SPOCK3: variants seen among roughly 807,000 people sequenced by gnomAD.
The protein encoded by SPOCK3 is SPARC (osteonectin), cwcv and kazal like domains proteoglycan 3, also known as testican-3.
SPOCK3 carries 30 observed loss-of-function variants against 56.6 expected under a neutral mutation model. That is an observed-to-expected ratio of 0.53 (90% confidence interval 0.40 to 0.72). SPOCK3 has a LOEUF of 0.72. Among genes scored for constraint, SPOCK3 ranks in the 30% least tolerant of loss-of-function variants. The probability of loss-of-function intolerance (pLI) is 0.00; values close to 1 mark genes in which losing one functional copy is unlikely to be tolerated. For synonymous variants in SPOCK3, 196 were observed against 183.3 expected, an observed-to-expected ratio of 1.07 and a Z score of -0.56; for missense variants, 527 against 530.0, an observed-to-expected ratio of 0.99 and a Z score of 0.06.
intron 2 of SPOCK3, among the ~76,000 whole-genome samples, chr4:167,089,917 G>A (rs1032264092): frequency 1.3e-4 from 20 of 151,842 alleles, no homozygotes; most frequent in African/African-American, 3.1e-4. Flanking sequence ...GCTCTTTCCC[G>A]TAGTATGGAT....
At chr4:166,981,407 C>A (rs1271469747) in intron 4 of SPOCK3, among the ~76,000 whole-genome samples, 3 of 150,798 alleles carry the variant, frequency 2.0e-5, no homozygotes, top group Admixed American at 1.3e-4. Context: ...GAGTGTCCAG[C>A]TCTCAGAGGG....
intron 7 of SPOCK3, among the ~76,000 whole-genome samples, chr4:166,761,751 CG>C (rs1211875702): frequency 4.5e-4 from 3 of 6,646 alleles, no homozygotes; most frequent in African/African-American, 1.7e-3. Flanking sequence ...GTGGTGGGGT[CG>C]GGGGAGGGGG....
intron 3 of SPOCK3, among the ~76,000 whole-genome samples, chr4:167,058,212 C>A (rs530960949): frequency 6.6e-6 from 1 of 152,276 alleles, no homozygotes; most frequent in African/African-American, 2.4e-5. Flanking sequence ...GTCAAATTGT[C>A]CCTGTTTGCA....
chr4:167,057,548 T>C (rs1024036506), intron 3 of SPOCK3, among the ~76,000 whole-genome samples: 2 of 151,828 alleles, frequency 1.3e-5, no homozygotes, highest in Non-Finnish European at 2.9e-5. Flanking sequence ...ACCCATCTCA[T>C]GTGCAGAGAC....
intron 3 of SPOCK3, among the ~76,000 whole-genome samples, chr4:167,030,319 T>C (rs1359817309): frequency 6.6e-6 from 1 of 152,088 alleles, no homozygotes; most frequent in Non-Finnish European, 1.5e-5. Context: ...TATTGTCTTT[T>C]TGAGCAAGAT....
At chr4:166,962,195 G>A (rs1405068514) in intron 4 of SPOCK3, among the ~76,000 whole-genome samples, 1 of 152,056 alleles carries the variant, frequency 6.6e-6, no homozygotes, top group East Asian at 1.9e-4. Flanking sequence ...CAGCTGATTA[G>A]CAACCTTAAT....
chr4:166,994,294 ATC>A (rs1210028905), intron 4 of SPOCK3, among the ~76,000 whole-genome samples: 4 of 152,204 alleles, frequency 2.6e-5, no homozygotes, highest in African/African-American at 7.2e-5. Flanking sequence ...TTAAAACTAC[ATC>A]GCAGAAAGTA....
chr4:166,827,655 T>C (rs1443638000), intron 6 of SPOCK3, among the ~76,000 whole-genome samples: 3 of 151,926 alleles, frequency 2.0e-5, no homozygotes, highest in Admixed American at 6.6e-5. Flanking sequence ...GTGAGAAAAA[T>C]ATATTAGGAC....
intron 6 of SPOCK3, among the ~76,000 whole-genome samples, chr4:166,862,473 G>C (rs1731336213): frequency 6.6e-6 from 1 of 151,972 alleles, no homozygotes; most frequent in African/African-American, 2.4e-5. Flanking sequence ...AACCAATTTT[G>C]GTTAAGAGTT....
At position 166,754,496 on chromosome 4, in the gene SPOCK3, C is replaced by A; in HGVS notation, c.931+12G>T. On this transcript the variant is annotated intron_variant, in intron 8 of 10. Coordinates refer to ENST00000357545, the MANE Select transcript of SPOCK3 (RefSeq NM_001040159.2). ...GTCAACTATTTGCGTCTGTAAGGGT[C>A]TCATCTTTTACCTTGCTGTCTCTGG... 6.2e-7 allele frequency: 1 copy of A among 1,609,088 alleles called. No homozygotes were observed. Among genetic ancestry groups the A allele is most frequent in the Non-Finnish European group, 8.5e-7 (1 of 1,176,898 alleles).
At chr4:166,737,652 A>G in intron 9 of SPOCK3, 48 bp from the exon 10 acceptor site, 1 of 1,563,956 alleles carries the variant, frequency 6.4e-7, no homozygotes, top group Non-Finnish European at 8.7e-7. Flanking sequence ...GTAGTTTATG[A>G]ATAAGCTGTG....
chr4:166,940,971 T>C (rs768930638), intron 4 of SPOCK3, among the ~76,000 whole-genome samples: 3 of 151,256 alleles, frequency 2.0e-5, no homozygotes, highest in Non-Finnish European at 4.4e-5. Context: ...CTGTCTATTC[T>C]GCACCTAATT....
At chr4:166,753,979 T>G (rs1736738993) in intron 8 of SPOCK3, 1 of 541,266 alleles carries the variant, frequency 1.8e-6, no homozygotes, top group Non-Finnish European at 2.4e-6. Flanking sequence ...TTAAGACACT[T>G]TTTCTGCTAG....
chr4:167,040,136 G>C (rs1250834561), intron 3 of SPOCK3, among the ~76,000 whole-genome samples: 1 of 152,108 alleles, frequency 6.6e-6, no homozygotes. Context: ...TAAATATACT[G>C]CCTCCTATCT....
chr4:166,935,264 T>C (rs1205328937), intron 4 of SPOCK3, among the ~76,000 whole-genome samples: 3 of 152,072 alleles, frequency 2.0e-5, no homozygotes, highest in Admixed American at 2.0e-4. Context: ...TTTGAGATAA[T>C]ATCTCCCTCA....
rs193251854 is a variant in SPOCK3 at position 166,735,832 on chromosome 4, T to C, written c.1133-742A>G. On this transcript the variant is annotated intron_variant, in intron 10 of 10. Transcript: ENST00000357545. The stretch of plus-strand genomic sequence containing the variant: ...CTTAGTGAGACCTGTGTTGATCTTC[T>C]GAGGCACAGAAATGTAGGATAAATG... 1.4e-4 allele frequency among the ~76,000 whole-genome samples: 22 copies of C among 152,134 alleles called. 1 individual carries two copies. The East Asian group carries it at 3.1e-3, about 21-fold the overall frequency.
intron 4 of SPOCK3, among the ~76,000 whole-genome samples, chr4:166,950,121 A>G (rs1344046437): frequency 4.0e-5 from 6 of 151,600 alleles, no homozygotes; most frequent in Non-Finnish European, 8.8e-5. Flanking sequence ...AAATGCTCCA[A>G]TTAAAAGACA....
intron 2 of SPOCK3, 48 bp from the exon 3 acceptor site, chr4:167,062,585 G>T (rs571508187): frequency 2.1e-6 from 3 of 1,412,572 alleles, no homozygotes; most frequent in South Asian, 1.3e-5. Flanking sequence ...TAATTAAAAC[G>T]CAAGGGTTCA....
intron 6 of SPOCK3, among the ~76,000 whole-genome samples, chr4:166,849,412 TGTCATTAAAA>T (rs1488548216): frequency 2.0e-5 from 3 of 152,152 alleles, no homozygotes; most frequent in African/African-American, 7.2e-5. Flanking sequence ...GGTTTTTTTT[TGTCATTAAAA>T]GTAATGTAAG....
Sources: allele counts gnomAD v4.1 joint callset (sites outside exome capture counted in the v4.1 genomes callset), GRCh38; gene constraint gnomAD v4.1.1; transcripts MANE v1.5; gene names NCBI Gene and HGNC (gene_info 2026-07-23, HGNC 2026-07-21).